Variants in FAM117B observed in about 807,000 individuals in gnomAD.
FAM117B encodes the protein protein FAM117B.
In FAM117B, 22 loss-of-function variants were observed where a neutral mutation model predicts 52.8. The ratio of observed to expected loss-of-function variants is 0.42; its 90% CI spans 0.30 to 0.59. FAM117B has a LOEUF of 0.59. FAM117B is among the 20% of genes least tolerant of loss of function. FAM117B has a pLI of 0.22. For synonymous variants in FAM117B, 309 were observed against 324.1 expected, an observed-to-expected ratio of 0.95 and a Z score of 0.50; for missense variants, 678 against 802.6, an observed-to-expected ratio of 0.84 and a Z score of 1.88.
intron 1 of FAM117B, among the ~76,000 whole-genome samples, chr2:202,640,452 A>G (rs553412200): frequency 2.4e-4 from 36 of 150,350 alleles, no homozygotes; most frequent in Non-Finnish European, 3.5e-4. Context: ...AAAAAGTGAT[A>G]ACTTCTTTGG....
chr2:202,711,463 A>G (rs1300633357), intron 2 of FAM117B, among the ~76,000 whole-genome samples: 1 of 152,078 alleles, frequency 6.6e-6, no homozygotes, highest in Admixed American at 6.5e-5. Flanking sequence ...TTGGATGGAT[A>G]ATTTGCAAAT....
chr2:202,636,129 ACCCT>A (rs945129606), intron 1 of FAM117B, among the ~76,000 whole-genome samples: 6 of 152,074 alleles, frequency 3.9e-5, no homozygotes, highest in African/African-American at 1.4e-4. Context: ...GTTACTGCTT[ACCCT>A]CCCTTGAGGG....
intron 4 of FAM117B, among the ~76,000 whole-genome samples, chr2:202,752,862 T>G (rs1192697734): frequency 6.6e-6 from 1 of 152,248 alleles, no homozygotes; most frequent in Non-Finnish European, 1.5e-5. Context: ...AAAAACATTT[T>G]TAATTTAAAA....
intron 1 of FAM117B, among the ~76,000 whole-genome samples, chr2:202,675,409 G>A (rs921391112): frequency 2.5e-5 from 3 of 120,808 alleles, no homozygotes; most frequent in African/African-American, 9.7e-5. Flanking sequence ...TTGTGCCACC[G>A]CACTACCGCC....
At chr2:202,745,767 C>T (rs532025206) in intron 4 of FAM117B, among the ~76,000 whole-genome samples, 1 of 152,028 alleles carries the variant, frequency 6.6e-6, no homozygotes, top group East Asian at 1.9e-4. Context: ...CTATTCCACG[C>T]AAATGGAAAC....
At chr2:202,697,957 C>T (rs1193956972) in intron 2 of FAM117B, among the ~76,000 whole-genome samples, 2 of 152,186 alleles carry the variant, frequency 1.3e-5, no homozygotes, top group East Asian at 1.9e-4. Flanking sequence ...GAAACCTCCA[C>T]CTCCCGGGTT....
chr2:202,740,173 C>CAAAAAAAAAAAAAAAAAAAAAAAAAA (rs1358404767), intron 4 of FAM117B, among the ~76,000 whole-genome samples: 1 of 69,672 alleles, frequency 1.4e-5, no homozygotes. Context: ...ACTTCATCCC[C>CAAAAAAAAAAAAAAAAAAAAAAAAAA]CAAAAAAAAA....
intron 1 of FAM117B, among the ~76,000 whole-genome samples, chr2:202,641,137 G>C (rs1689763976): frequency 2.0e-5 from 3 of 152,206 alleles, no homozygotes; most frequent in African/African-American, 7.2e-5. Context: ...AGATACATAA[G>C]CATATAATGT....
chr2:202,639,992 G>A (rs116486087), intron 1 of FAM117B, among the ~76,000 whole-genome samples: 1,653 of 151,778 alleles, frequency 0.011, 25 homozygotes, highest in African/African-American at 0.037. Flanking sequence ...AAATTTGGTC[G>A]GGCACGGTGG....
At position 202,635,323 on chromosome 2, in the gene FAM117B, C is replaced by G; in HGVS notation, c.136C>G (p.Gln46Glu). 1.4e-6 allele frequency: 2 copies of G among 1,407,380 alleles called. No homozygotes were observed. The highest frequency in any genetic ancestry group is 1.9e-6 in the Non-Finnish European group (2 of 1,080,486). 87.2% of individuals were successfully genotyped at this position (1,407,380 alleles called of 1,614,324 possible). ...GACGGTTCCGTTCCAGCTGAAGCAGCAGCAGCAGCAGCAACATGGCAGCCC... is the reference window on the plus strand; with the variant it reads ...GACGGTTCCGTTCCAGCTGAAGCAGGAGCAGCAGCAGCAACATGGCAGCCC... Reference protein sequence around the residue: ...RATVPFQLKQQQQQQHGSPTR... With the variant: ...RATVPFQLKQEQQQQHGSPTR... Residue 46 changes from glutamine (Q) to glutamate (E), a missense_variant, in exon 1 of 8, where the codon CAG becomes GAG. Around this residue, in one of 3 missense-constraint regions of FAM117B, gnomAD observed 583 missense variants for 644.8 expected, o/e 0.90. Coordinates refer to ENST00000392238, the MANE Select transcript of FAM117B (RefSeq NM_173511.4).
chr2:202,672,674 A>G (rs1690317470), intron 1 of FAM117B, among the ~76,000 whole-genome samples: 1 of 152,140 alleles, frequency 6.6e-6, no homozygotes, highest in Non-Finnish European at 1.5e-5. Flanking sequence ...TTTCCTTTTT[A>G]AAGTTTTGAC....
chr2:202,685,141 C>T (rs1690520508), intron 1 of FAM117B, among the ~76,000 whole-genome samples: 1 of 152,028 alleles, frequency 6.6e-6, no homozygotes, highest in Non-Finnish European at 1.5e-5. Flanking sequence ...CGCTACTATG[C>T]CTGGCTAATA....
intron 1 of FAM117B, among the ~76,000 whole-genome samples, chr2:202,651,476 G>C (rs1322850371): frequency 6.6e-6 from 1 of 151,426 alleles, no homozygotes; most frequent in East Asian, 2.0e-4. Context: ...GGGTTTAAGT[G>C]ATTCTCCTGC....
chr2:202,736,187 CAG>C (rs1312714643), intron 4 of FAM117B, among the ~76,000 whole-genome samples: 2 of 152,150 alleles, frequency 1.3e-5, no homozygotes, highest in Non-Finnish European at 2.9e-5. Context: ...CAGTCCAAAA[CAG>C]AGCATGAATG....
At position 202,707,200 on chromosome 2, in the gene FAM117B, C is replaced by A. The variant is rs369814654; in HGVS notation, c.753+11168C>A. ...AAGACTACAGGTGCATGCCACCACA[C>A]CTGGCTAATTTTTAATTTTTTTTTT... On this transcript the variant is annotated intron_variant, in intron 2 of 7. Transcript: ENST00000392238. Among the ~76,000 whole-genome samples, 6 of 150,858 alleles carry A rather than the reference C, an allele frequency of 4.0e-5. No homozygotes were observed. The East Asian group carries it at 1.2e-3, about 29-fold the overall frequency.
chr2:202,646,513 G>A (rs1344304874), intron 1 of FAM117B, among the ~76,000 whole-genome samples: 1 of 152,138 alleles, frequency 6.6e-6, no homozygotes, highest in East Asian at 1.9e-4. Context: ...GTGTCCTTAA[G>A]TCCAGAGCCT....
At chr2:202,645,847 C>G (rs1689854327) in intron 1 of FAM117B, among the ~76,000 whole-genome samples, 1 of 151,768 alleles carries the variant, frequency 6.6e-6, no homozygotes, top group Non-Finnish European at 1.5e-5. Flanking sequence ...CTCAGGTGAT[C>G]CGCCCGCCTT....
chr2:202,721,024 C>T (rs1407920427), intron 2 of FAM117B, among the ~76,000 whole-genome samples: 1 of 152,146 alleles, frequency 6.6e-6, no homozygotes, highest in Non-Finnish European at 1.5e-5. Context: ...ATATTCTATA[C>T]ATTTTTCTGC....
At chr2:202,725,091 G>C in intron 3 of FAM117B, 82 bp downstream of exon 3, 1 of 1,026,092 alleles carries the variant, frequency 9.7e-7, no homozygotes, top group Non-Finnish European at 1.4e-6. Context: ...GGGCAGCAAG[G>C]ATTTGTCGTT....
Sources: allele counts gnomAD v4.1 joint callset (sites outside exome capture counted in the v4.1 genomes callset), GRCh38; gene constraint gnomAD v4.1.1; regional missense constraint gnomAD v4.1.1; transcripts MANE v1.5; gene names NCBI Gene and HGNC (gene_info 2026-07-23, HGNC 2026-07-21).